The following THSD1 variants were observed in gnomAD, a reference collection of about 807,000 sequenced individuals.
The protein encoded by THSD1 is thrombospondin type-1 domain-containing protein 1.
Under a neutral mutation model 46.3 loss-of-function variants are expected in THSD1, and 34 were observed. That is an observed-to-expected ratio of 0.74 (90% confidence interval 0.56 to 0.98). The LOEUF is 0.98. THSD1 is among the 50% of genes least tolerant of loss of function. The pLI, the probability that THSD1 is intolerant of heterozygous loss-of-function variation, is 0.00. For synonymous variants in THSD1, 407 were observed against 416.5 expected (o/e 0.98, Z 0.28); for missense variants, 1,023 against 1,058.3 (o/e 0.97, Z 0.46).
At chr13:52,382,828 T>A (rs1957703003) in intron 4 of THSD1, among the ~76,000 whole-genome samples, 1 of 151,702 alleles carries the variant, frequency 6.6e-6, no homozygotes, top group Non-Finnish European at 1.5e-5. Context: ...TGGTGAAGCC[T>A]CGTCTCTACT....
intron 1 of THSD1, among the ~76,000 whole-genome samples, chr13:52,403,314 A>C (rs998473636): frequency 6.6e-6 from 1 of 152,134 alleles, no homozygotes; most frequent in Non-Finnish European, 1.5e-5. Context: ...GCCTAAGGAG[A>C]AAACAGACAA....
chr13:52,392,809 A>G (rs183451815), intron 3 of THSD1, among the ~76,000 whole-genome samples: 1 of 152,350 alleles, frequency 6.6e-6, no homozygotes, highest in East Asian at 1.9e-4. Context: ...GGGAGTAGCT[A>G]TAAGCAGTAG....
At chr13:52,401,393 G>A (rs977216748) in intron 2 of THSD1, among the ~76,000 whole-genome samples, 5 of 151,812 alleles carry the variant, frequency 3.3e-5, no homozygotes, top group Admixed American at 6.6e-5. Flanking sequence ...TCTGCCTCCC[G>A]GGTTCACGCC....
intron 2 of THSD1, chr13:52,398,396 A>T (rs772671733): frequency 1.5e-6 from 1 of 656,492 alleles, no homozygotes; most frequent in Non-Finnish European, 1.9e-6. Flanking sequence ...CGCCCTCACG[A>T]ATAGCTGGGA....
chr13:52,379,108 C>T (rs573287600), intron 4 of THSD1, among the ~76,000 whole-genome samples: 17 of 152,160 alleles, frequency 1.1e-4, no homozygotes, highest in Middle Eastern at 3.4e-3. Flanking sequence ...GTGATCCACC[C>T]GCCTTGGCCT....
At chr13:52,393,886 T>A (rs1413063220) in intron 3 of THSD1, among the ~76,000 whole-genome samples, 1 of 152,194 alleles carries the variant, frequency 6.6e-6, no homozygotes, top group African/African-American at 2.4e-5. Flanking sequence ...GGTTCCTGTC[T>A]CAAGCATAAA....
At position 52,397,915 on chromosome 13, in the gene THSD1, G is replaced by C; in HGVS notation, c.338C>G (p.Pro113Arg). The C allele has an allele frequency of 6.2e-7, 1 of 1,614,262 alleles. No homozygotes were observed. The highest frequency in any genetic ancestry group is 8.5e-7 in the Non-Finnish European group (1 of 1,180,050). ...GGCACTTTTCTCCCACCAGGGGAAT[G>C]GAGTGCTGTTGTCTGTTGCTTCTGG... The part of the protein sequence containing the change: ...MTPEATDNST[P>R]FPWWEKSAFL... The change falls in exon 3 of 5, where the codon CCA becomes CGA. Residue 113 changes from proline to arginine, a missense_variant. By Grantham distance (103) the Pro-to-Arg change is moderately radical. Transcript: ENST00000258613.
At chr13:52,395,207 AAAG>A (rs1398626744) in intron 3 of THSD1, among the ~76,000 whole-genome samples, 1 of 152,184 alleles carries the variant, frequency 6.6e-6, no homozygotes, top group Non-Finnish European at 1.5e-5. Context: ...GCAGTGAGAG[AAAG>A]AAGTGGACAG....
chr13:52,384,482 G>A (rs534012159), intron 4 of THSD1: 20 of 449,524 alleles, frequency 4.4e-5, no homozygotes, highest in African/African-American at 4.0e-4. Flanking sequence ...TTAGAAAAAT[G>A]CCTGGCAGGC....
chr13:52,388,392 T>A lies in THSD1; in HGVS notation c.1022-2206A>T, dbSNP rs1027710969. Among the ~76,000 whole-genome samples, 3 of 152,280 alleles carry A rather than the reference T, an allele frequency of 2.0e-5. No homozygotes were observed. The East Asian group carries it at 5.8e-4, about 29-fold the overall frequency. On this transcript the variant is annotated intron_variant, in intron 3 of 4. Coordinates refer to ENST00000258613, the MANE Select transcript of THSD1 (RefSeq NM_018676.4). ...AATGAAGAGTGCCAGCAATGGTATA[T>A]ATAAAGGTAAAAATCATTTTTCTCA...
intron 3 of THSD1, 136 bp from the exon 4 acceptor site, chr13:52,386,322 A>C: frequency 1.2e-6 from 1 of 849,066 alleles, no homozygotes; most frequent in Non-Finnish European, 1.8e-6. Context: ...GAGATGAAGA[A>C]AGCTGAAAAG....
rs1957823941 is a variant in THSD1 at position 52,397,854 on chromosome 13, G to A, written c.399C>T (p.Asp133=). 1.2e-6 allele frequency: 2 copies of A among 1,614,112 alleles called. No homozygotes were observed. Among genetic ancestry groups the A allele is most frequent in the African/African-American group, 1.3e-5 (1 of 74,932 alleles). The change falls in exon 3 of 5, where the codon GAC becomes GAT. Residue 133 remains aspartate (D), a synonymous_variant. Coordinates refer to ENST00000258613, the MANE Select transcript of THSD1 (RefSeq NM_018676.4). ...LKVEWPVFHV[D]LNRSAKAAEG... ...CTGCTGCCTTGGCACTCCTATTCAA[G>A]TCAACGTGAAAGACAGGCCATTCCA...
intron 3 of THSD1, among the ~76,000 whole-genome samples, chr13:52,393,235 GTTAT>G (rs1365290442): frequency 1.3e-5 from 2 of 152,120 alleles, no homozygotes; most frequent in Non-Finnish European, 2.9e-5. Flanking sequence ...TCATAAACTT[GTTAT>G]GAGGACTATA....
chr13:52,391,683 A>C lies in THSD1; in HGVS notation c.1022-5497T>G, dbSNP rs1188183985. On this transcript the variant is annotated intron_variant, in intron 3 of 4. Transcript: ENST00000258613. ...CTCAGGCTCCTGAGTAGCTGGGACT[A>C]CAGGCACGTGCCACCATGCCCGGCT... is the stretch of plus-strand genomic sequence containing the variant. Among the ~76,000 whole-genome samples the C allele has an allele frequency of 2.6e-5, 4 of 151,742 alleles. No individual in the cohort carries two copies. The East Asian group carries it at 7.9e-4, about 30-fold the overall frequency.
intron 4 of THSD1, chr13:52,384,305 A>G: frequency 2.3e-6 from 1 of 443,972 alleles, no homozygotes; most frequent in South Asian, 1.6e-5. Context: ...ATTGGCCTGT[A>G]TATAAAGGCA....
chr13:52,398,389 C>T (rs963114058), intron 2 of THSD1, 195 bp from the exon 3 acceptor site: 3 of 661,330 alleles, frequency 4.5e-6, no homozygotes, highest in Admixed American at 6.3e-5. Context: ...CCCACCTCGC[C>T]CTCACGAATA....
intron 1 of THSD1, among the ~76,000 whole-genome samples, chr13:52,404,587 C>T (rs559860125): frequency 4.1e-4 from 62 of 152,290 alleles, no homozygotes; most frequent in Non-Finnish European, 6.8e-4. Flanking sequence ...CAATTCTTTC[C>T]TCGAACATGG....
chr13:52,386,824 C>T (rs991957530), intron 3 of THSD1, among the ~76,000 whole-genome samples: 10 of 152,188 alleles, frequency 6.6e-5, no homozygotes, highest in Non-Finnish European at 1.3e-4. Context: ...GGAAAGGCCT[C>T]AAACCCTATT....
intron 4 of THSD1, among the ~76,000 whole-genome samples, chr13:52,382,798 C>T (rs760289768): frequency 9.2e-5 from 14 of 151,962 alleles, no homozygotes; most frequent in South Asian, 8.3e-4. Context: ...GCCAGGAGTT[C>T]GAGACCAGCC....
Sources: allele counts gnomAD v4.1 joint callset (sites outside exome capture counted in the v4.1 genomes callset), GRCh38; gene constraint gnomAD v4.1.1; transcripts MANE v1.5; gene names NCBI Gene and HGNC (gene_info 2026-07-23, HGNC 2026-07-21).